ADAM19: variants seen among roughly 807,000 people sequenced by gnomAD.
ADAM19 encodes the protein disintegrin and metalloproteinase domain-containing protein 19.
ADAM19 carries 65 observed loss-of-function variants against 114.7 expected under a neutral mutation model. The observed-to-expected ratio is 0.57, with a 90% CI of 0.46 to 0.70. ADAM19 has a LOEUF of 0.70. Among genes scored for constraint, ADAM19 ranks in the 30% least tolerant of loss-of-function variants. The probability of loss-of-function intolerance (pLI) is 0.00; values close to 1 mark genes in which losing one functional copy is unlikely to be tolerated. For missense variants in ADAM19, 1,063 were observed against 1,204.7 expected (o/e 0.88, Z 1.74); for synonymous variants, 466 against 460.5 (o/e 1.01, Z -0.15).
At chr5:157,575,128 C>A (rs1267315669) in intron 1 of ADAM19, among the ~76,000 whole-genome samples, 1 of 152,216 alleles carries the variant, frequency 6.6e-6, no homozygotes, top group East Asian at 1.9e-4. Context: ...ATGTCCTACC[C>A]CACCAGTGTG....
chr5:157,483,454 G>A (rs1214005886), intron 21 of ADAM19, among the ~76,000 whole-genome samples: 1 of 152,150 alleles, frequency 6.6e-6, no homozygotes, highest in Admixed American at 6.5e-5. Context: ...GCTGGCGTGG[G>A]GAGATGTTCA....
At position 157,509,383 on chromosome 5, in the gene ADAM19, G is replaced by A; in HGVS notation, c.823C>T (p.Pro275Ser). The change falls in exon 9 of 23, where the codon CCA becomes TCA. Residue 275 changes from proline (P) to serine (S), a missense_variant. Pro to Ser is a moderately conservative substitution (Grantham distance 74). Around this residue, in one of 3 missense-constraint regions of ADAM19, gnomAD observed 615 missense variants for 706.3 expected, o/e 0.87. Coordinates refer to ENST00000257527, the MANE Select transcript of ADAM19 (RefSeq NM_033274.5). ...HGNMCEVSEN[P>S]YSTLWSFLSW... ...AGAAAGGACCAGAGGGTAGAATATG[G>A]ATTCTCTGAAACTTCACACATGTTC... is the stretch of plus-strand genomic sequence containing the variant. The A allele has an allele frequency of 5.6e-6, 9 of 1,613,664 alleles. No individual in the cohort carries two copies. The highest frequency in any genetic ancestry group is 7.6e-6 in the Non-Finnish European group (9 of 1,179,792).
At chr5:157,513,339 T>C (rs979015656) in intron 8 of ADAM19, 95 bp downstream of exon 8, 1 of 1,248,518 alleles carries the variant, frequency 8.0e-7, no homozygotes, top group Non-Finnish European at 1.2e-6. Context: ...TTTCAGAAGA[T>C]GGCTGGGGCA....
At chr5:157,556,291 T>C (rs549982015) in intron 3 of ADAM19, among the ~76,000 whole-genome samples, 1 of 134,074 alleles carries the variant, frequency 7.5e-6, no homozygotes, top group East Asian at 2.4e-4. Flanking sequence ...CAATCTCGGC[T>C]CACTGCAACC....
At chr5:157,518,064 A>G (rs1453088821) in intron 7 of ADAM19, among the ~76,000 whole-genome samples, 2 of 152,148 alleles carry the variant, frequency 1.3e-5, no homozygotes, top group Admixed American at 1.3e-4. Context: ...TGGCATCAAC[A>G]TGATTATAAA....
Position 157,481,848 on chromosome 5 carries a change from C to T in ADAM19, c.2646G>A (p.Leu882=). The T allele has an allele frequency of 6.3e-7, 1 of 1,588,204 alleles. No homozygotes were observed. Among genetic ancestry groups the T allele is most frequent in the East Asian group, 2.3e-5 (1 of 43,874 alleles). Residue 882 remains leucine, a synonymous_variant, in exon 22 of 23, where the codon CTG becomes CTA. Transcript: ENST00000257527. Reference sequence around the variant, plus strand: ...GCTGAGGGCCAGCACCAGGGGGCCGCAGTGGGGATGCACCTCCTGGCCTGG... The same window carrying T: ...GCTGAGGGCCAGCACCAGGGGGCCGTAGTGGGGATGCACCTCCTGGCCTGG... ...SLPRPGGASP[L]RPPGAGPQQS... is the part of the protein sequence containing the mutation.
rs1581288594 is a variant in ADAM19 at position 157,488,421 on chromosome 5, C to G, written c.2394G>C (p.Leu798=). The G allele has an allele frequency of 1.2e-6, 2 of 1,613,642 alleles. No individual in the cohort carries two copies. Among genetic ancestry groups the G allele is most frequent in the East Asian group, 4.5e-5 (2 of 44,866 alleles). ...QPPPRPPPDY[L]RGGSPPAPLP... ...GTGGTGCAGGTGGGGACCCACCACG[C>G]AGATAATCTGGAGGGGGCCGGGGAG... The change falls in exon 21 of 23, where the codon CTG becomes CTC. Residue 798 remains leucine (L), a synonymous_variant. Coordinates refer to ENST00000257527, the MANE Select transcript of ADAM19 (RefSeq NM_033274.5).
chr5:157,557,379 A>C (rs944802668), intron 3 of ADAM19, among the ~76,000 whole-genome samples: 2 of 152,186 alleles, frequency 1.3e-5, no homozygotes, highest in African/African-American at 4.8e-5. Flanking sequence ...TGTGTGCACA[A>C]GGCTTTCAGA....
At chr5:157,513,216 C>T (rs534377721) in intron 8 of ADAM19, among the ~76,000 whole-genome samples, 1 of 151,852 alleles carries the variant, frequency 6.6e-6, no homozygotes, top group South Asian at 2.1e-4. Flanking sequence ...AAGCTGAAAA[C>T]AGAACAAAAG....
chr5:157,480,020 C>A lies in ADAM19; in HGVS notation c.*929G>T. The A allele has an allele frequency of 2.0e-6, 2 of 985,904 alleles. No homozygotes were observed. The highest frequency in any genetic ancestry group is 9.4e-5 in the South Asian group (2 of 21,284). The allele number at this position is 985,904 out of a possible 1,614,324, so 61.1% of individuals were successfully genotyped here. ...ACTCCTGAGAGCCAGTGAGGGAAAT[C>A]CAGTGGCCGACTGTGAGAGAGGACT... On this transcript the variant is annotated 3_prime_UTR_variant, in exon 23 of 23. Coordinates refer to ENST00000257527, the MANE Select transcript of ADAM19 (RefSeq NM_033274.5).
At chr5:157,502,477 C>T (rs965676327) in intron 12 of ADAM19, among the ~76,000 whole-genome samples, 3 of 152,322 alleles carry the variant, frequency 2.0e-5, no homozygotes, top group South Asian at 4.1e-4. Context: ...GAATAAATTC[C>T]GTGCAGCTGG....
intron 7 of ADAM19, among the ~76,000 whole-genome samples, chr5:157,514,732 T>G (rs1756041429): frequency 6.6e-6 from 1 of 152,172 alleles, no homozygotes. Flanking sequence ...TACCTCCTAT[T>G]TACCATTCCT....
intron 3 of ADAM19, among the ~76,000 whole-genome samples, chr5:157,555,183 G>A (rs774659407): frequency 6.6e-6 from 1 of 152,138 alleles, no homozygotes; most frequent in Non-Finnish European, 1.5e-5. Flanking sequence ...AAGTCACACT[G>A]CTCCACACCT....
intron 2 of ADAM19, among the ~76,000 whole-genome samples, chr5:157,564,927 G>A (rs1385879843): frequency 2.6e-5 from 4 of 152,172 alleles, no homozygotes; most frequent in African/African-American, 9.7e-5. Context: ...ATGTATCACA[G>A]TGCCTGGCAC....
At chr5:157,490,891 C>CA (rs34600745) in intron 18 of ADAM19, among the ~76,000 whole-genome samples, 58,750 of 109,914 alleles carry the variant, frequency 0.53, 13,531 homozygotes, top group East Asian at 0.76. Context: ...GACTCCGTCT[C>CA]AAAAAAAAAA....
rs963737978 is a variant in ADAM19 at position 157,480,220 on chromosome 5, A to G, written c.*729T>C. ...GAGCAACTAAAAATTATCCAGAGTC[A>G]GGAGTCGCAACCTTTGGCATCACGG... On this transcript the variant is annotated 3_prime_UTR_variant, in exon 23 of 23. Coordinates refer to ENST00000257527, the MANE Select transcript of ADAM19 (RefSeq NM_033274.5). The G allele has an allele frequency of 4.4e-5, 43 of 986,016 alleles. No individual in the cohort carries two copies. Among genetic ancestry groups the G allele is most frequent in the Non-Finnish European group, 4.9e-5 (41 of 830,066 alleles). The allele number at this position is 986,016 out of a possible 1,614,324, so 61.1% of individuals were successfully genotyped here.
chr5:157,524,303 T>C (rs553646275), intron 5 of ADAM19, among the ~76,000 whole-genome samples: 5 of 152,346 alleles, frequency 3.3e-5, no homozygotes, highest in African/African-American at 1.2e-4. Flanking sequence ...GGAGGCTGGG[T>C]GGCCAGCCTC....
At chr5:157,547,416 C>A (rs909103233) in intron 3 of ADAM19, among the ~76,000 whole-genome samples, 2 of 152,176 alleles carry the variant, frequency 1.3e-5, no homozygotes, top group Non-Finnish European at 2.9e-5. Flanking sequence ...GAGGGCTCCA[C>A]CATAATGAGT....
chr5:157,568,429 C>T (rs1757729168), intron 2 of ADAM19: 1 of 152,202 alleles, frequency 6.6e-6, no homozygotes. Flanking sequence ...ATCTATGAAG[C>T]TTTTCTGTCC....
Sources: allele counts gnomAD v4.1 joint callset (sites outside exome capture counted in the v4.1 genomes callset), GRCh38; gene constraint gnomAD v4.1.1; regional missense constraint gnomAD v4.1.1; transcripts MANE v1.5; gene names NCBI Gene and HGNC (gene_info 2026-07-23, HGNC 2026-07-21).